TLE3: variants seen among roughly 807,000 people sequenced by gnomAD.
TLE3 encodes TLE family member 3, transcriptional corepressor.
TLE3 carries 14 observed loss-of-function variants against 93.0 expected under a neutral mutation model. The observed-to-expected ratio is 0.15, with a 90% CI of 0.10 to 0.24. The LOEUF is 0.24. TLE3 is among the 10% of genes least tolerant of loss of function. The pLI, the probability that TLE3 is intolerant of heterozygous loss-of-function variation, is 1.00. For missense variants in TLE3, 693 were observed against 1,046.6 expected (o/e 0.66, Z 4.66); for synonymous variants, 451 against 425.0 (o/e 1.06, Z -0.75).
chr15:70,059,425 C>T lies in TLE3; in HGVS notation c.750G>A (p.Val250=), dbSNP rs2056317699. The stretch of plus-strand genomic sequence containing the variant: ...CTGCCCATACCTCATTGGAAACATC[C>T]ACCACCAGATCATCACTCTTGTCTC... ...SDGDKSDDLV[V]DVSNEDPATP... Residue 250 remains valine (V), a synonymous_variant, in exon 10 of 20, where the codon GTG becomes GTA. Coordinates refer to ENST00000451782, the MANE Select transcript of TLE3 (RefSeq NM_001105192.3). 6.2e-7 allele frequency: 1 copy of T among 1,611,066 alleles called. No individual in the cohort carries two copies. Among genetic ancestry groups the T allele is most frequent in the South Asian group, 1.1e-5 (1 of 90,216 alleles).
chr15:70,065,941 A>T, intron 7 of TLE3, 73 bp downstream of exon 7: 2 of 1,456,754 alleles, frequency 1.4e-6, no homozygotes, highest in Non-Finnish European at 1.9e-6. Context: ...TGCTGGGTCC[A>T]CTCACTGTGA....
At position 70,072,883 on chromosome 15, in the gene TLE3, A is replaced by G. The variant is rs561792173; in HGVS notation, c.372+1650T>C. 4.6e-5 allele frequency among the ~76,000 whole-genome samples: 7 copies of G among 152,336 alleles called. No individual in the cohort carries two copies. The South Asian group carries it at 1.4e-3, about 32-fold the overall frequency. On this transcript the variant is annotated intron_variant, in intron 6 of 19. Transcript: ENST00000451782. ...TCCCCGGGCTAGATGATCTCTGATG[A>G]TACTTTAAACATTAAAATATCATGA... is the stretch of plus-strand genomic sequence containing the variant.
Position 70,058,835 on chromosome 15 carries a change from A to G in TLE3, c.766-20T>C. On this transcript the variant is annotated intron_variant, in intron 10 of 19. Transcript: ENST00000451782. This position sits in a 1 kb window ranked among gnomAD's most constrained non-coding sequence, Gnocchi z 4.1. Reference sequence around the variant, plus strand: ...GGGGTCCTGAAAACACAAGTGATGCAGAGATGCACTGAAAGCAACAGCCAG... The same window carrying G: ...GGGGTCCTGAAAACACAAGTGATGCGGAGATGCACTGAAAGCAACAGCCAG... 6.5e-7 allele frequency: 1 copy of G among 1,539,604 alleles called. No individual in the cohort carries two copies.
Position 70,093,355 on chromosome 15 carries a change from C to A in TLE3, c.234+1177G>T, listed in dbSNP as rs1022124810. On this transcript the variant is annotated intron_variant, in intron 4 of 19. Transcript: ENST00000451782. The stretch of plus-strand genomic sequence containing the variant: ...CCCAAAGGCTCTATAGGAAGCCACC[C>A]GAGTGGGTAGGAATCTGCCCACTTT... Among the ~76,000 whole-genome samples, 3 of 152,216 alleles carry A rather than the reference C, an allele frequency of 2.0e-5. No homozygotes were observed. The East Asian group carries it at 5.8e-4, about 29-fold the overall frequency.
chr15:70,081,423 A>G (rs2057772800), intron 4 of TLE3, among the ~76,000 whole-genome samples: 1 of 152,224 alleles, frequency 6.6e-6, no homozygotes, highest in African/African-American at 2.4e-5. Context: ...GGTCCCAAGG[A>G]CCAGTCTTCA....
intron 4 of TLE3, among the ~76,000 whole-genome samples, chr15:70,080,367 G>A (rs2057711649): frequency 6.6e-6 from 1 of 152,178 alleles, no homozygotes; most frequent in African/African-American, 2.4e-5. Flanking sequence ...GCCTTTGAAA[G>A]TTTCTTTTCA....
chr15:70,051,281 C>T, intron 19 of TLE3, 110 bp downstream of exon 19: 1 of 1,155,082 alleles, frequency 8.7e-7, no homozygotes, highest in Non-Finnish European at 1.2e-6. Flanking sequence ...AGGTCTGATC[C>T]TGGCTCCAGG....
chr15:70,079,446 C>G (rs979039499), intron 4 of TLE3: 4 of 450,396 alleles, frequency 8.9e-6, no homozygotes, highest in Non-Finnish European at 1.7e-5. Flanking sequence ...AACGTAAACC[C>G]AGCCCCTCCC....
intron 4 of TLE3, among the ~76,000 whole-genome samples, chr15:70,088,264 G>C (rs2058123516): frequency 6.6e-6 from 1 of 152,216 alleles, no homozygotes; most frequent in South Asian, 2.1e-4. Context: ...AGTAGGGCAA[G>C]GCTGACCCAC....
At chr15:70,093,695 T>A (rs2058410724) in intron 4 of TLE3, among the ~76,000 whole-genome samples, 1 of 152,248 alleles carries the variant, frequency 6.6e-6, no homozygotes, top group Non-Finnish European at 1.5e-5. Flanking sequence ...TGGGACTAGT[T>A]ACTGATATGC....
At position 70,062,096 on chromosome 15, in the gene TLE3, G is replaced by C. The variant is rs116097262; in HGVS notation, c.595-1447C>G. Among the ~76,000 whole-genome samples, 864 of 152,298 alleles carry C rather than the reference G, an allele frequency of 5.7e-3. 6 individuals carry two copies. Among genetic ancestry groups the C allele is most frequent in the African/African-American group, 0.02 (840 of 41,554 alleles). ...ATTTCCTTTCCTAAGCCGGGTTCTG[G>C]GCAGCCCTACCCGGCCAAGTTTCTG... On this transcript the variant is annotated intron_variant, in intron 8 of 19. Coordinates refer to ENST00000451782, the MANE Select transcript of TLE3 (RefSeq NM_001105192.3).
intron 2 of TLE3, 29 bp from the exon 3 acceptor site, chr15:70,095,670 C>T (rs1224147934): frequency 3.2e-6 from 5 of 1,550,606 alleles, no homozygotes. Context: ...CCGGCTCAGG[C>T]GTGGCGCCTG....
At chr15:70,089,224 CAAG>C (rs574163180) in intron 4 of TLE3, among the ~76,000 whole-genome samples, 75 of 152,348 alleles carry the variant, frequency 4.9e-4, no homozygotes, top group African/African-American at 1.7e-3. Flanking sequence ...TGCTCTCACC[CAAG>C]AAGAATAAGC....
At position 70,096,117 on chromosome 15, in the gene TLE3, C is replaced by G. The variant is rs35981865; in HGVS notation, c.125+44G>C. ...GGATGGCAGGAGCCGCGCAGGGGACCCACCCCTCCCCGCCAGCCCCGGGGC... is the reference window on the plus strand; with the variant it reads ...GGATGGCAGGAGCCGCGCAGGGGACGCACCCCTCCCCGCCAGCCCCGGGGC... On this transcript the variant is annotated intron_variant, in intron 2 of 19. Coordinates refer to ENST00000451782, the MANE Select transcript of TLE3 (RefSeq NM_001105192.3). The G allele has an allele frequency of 6.5e-3, 9,920 of 1,534,952 alleles. 540 individuals carry two copies. In the African/African-American group the frequency reaches 0.12, roughly 18 times the overall value.
At chr15:70,052,647 AC>A in intron 17 of TLE3, 123 bp from the exon 18 acceptor site, 1 of 1,124,402 alleles carries the variant, frequency 8.9e-7, no homozygotes. Flanking sequence ...CCACCCAATA[AC>A]CCAGGAGTAT....
intron 2 of TLE3, 95 bp downstream of exon 2, chr15:70,096,066 T>A: frequency 7.1e-7 from 1 of 1,399,802 alleles, no homozygotes; most frequent in Non-Finnish European, 9.6e-7. Flanking sequence ...CGCCCCTAGG[T>A]CGGGAGCCCC....
chr15:70,083,930 C>T (rs1280333271), intron 4 of TLE3, among the ~76,000 whole-genome samples: 3 of 152,286 alleles, frequency 2.0e-5, no homozygotes, highest in East Asian at 3.9e-4. Context: ...AAAGAGCATA[C>T]CTGTTCCGTA....
chr15:70,062,660 G>A lies in TLE3; in HGVS notation c.594+1794C>T, dbSNP rs918579209. Among the ~76,000 whole-genome samples the A allele has an allele frequency of 3.9e-5, 6 of 152,116 alleles. No homozygotes were observed. The South Asian group carries it at 6.2e-4, about 16-fold the overall frequency. On this transcript the variant is annotated intron_variant, in intron 8 of 19. Transcript: ENST00000451782. ...ACCCCTCTGGGACAGCTTCCAGCCCGTCCCCCCATCCCCCCTCCCACTCTG... is the reference window on the plus strand; with the variant it reads ...ACCCCTCTGGGACAGCTTCCAGCCCATCCCCCCATCCCCCCTCCCACTCTG...
intron 4 of TLE3, among the ~76,000 whole-genome samples, chr15:70,076,915 G>A (rs12593788): frequency 0.021 from 3,207 of 152,028 alleles, 138 homozygotes; most frequent in East Asian, 0.21. Context: ...ACTGGGTTTC[G>A]CCACGTTGTC....
Sources: allele counts gnomAD v4.1 joint callset (sites outside exome capture counted in the v4.1 genomes callset), GRCh38; gene constraint gnomAD v4.1.1; non-coding constraint Gnocchi (gnomAD v3.1); transcripts MANE v1.5; gene names NCBI Gene and HGNC (gene_info 2026-07-23, HGNC 2026-07-21).